The following MYH16 variants were observed in gnomAD, a reference collection of about 807,000 sequenced individuals.
MYH16 encodes the protein putative uncharacterized protein MYH16.
At chr7:99,253,362 T>TA (rs906845700) in intron 7 of MYH16, 1 of 151,408 alleles carries the variant, frequency 6.6e-6, no homozygotes, top group African/African-American at 2.4e-5. Flanking sequence ...AATAAATAAA[T>TA]AAAAATAAAT....
intron 9 of MYH16, among the ~76,000 whole-genome samples, chr7:99,256,460 C>A (rs879300770): frequency 1.3e-5 from 2 of 151,162 alleles, no homozygotes; most frequent in African/African-American, 2.4e-5. Flanking sequence ...CAAAGTAAGA[C>A]CCTATCTCAA....
At chr7:99,304,421 T>C (rs1223830560) in intron 39 of MYH16, among the ~76,000 whole-genome samples, 165 bp from the exon 21 acceptor site, 1 of 152,040 alleles carries the variant, frequency 6.6e-6, no homozygotes, top group South Asian at 2.1e-4. Flanking sequence ...AAGGGGAGCA[T>C]AGAGCACCCC....
At chr7:99,246,942 G>T (rs1214863735) in intron 2 of MYH16, among the ~76,000 whole-genome samples, 2 of 152,056 alleles carry the variant, frequency 1.3e-5, no homozygotes, top group African/African-American at 4.8e-5. Context: ...TGCACTCCTC[G>T]ATTTATGATC....
chr7:99,286,769 G>C (rs1012759086), intron 28 of MYH16, among the ~76,000 whole-genome samples: 2 of 151,396 alleles, frequency 1.3e-5, no homozygotes, highest in African/African-American at 4.9e-5. Context: ...GACCAGCCTG[G>C]GCAACACAGC....
chr7:99,271,848 C>T (rs903578237), intron 19 of MYH16, among the ~76,000 whole-genome samples: 1 of 152,024 alleles, frequency 6.6e-6, no homozygotes, highest in African/African-American at 2.4e-5. Flanking sequence ...TACAGGTGCA[C>T]TGTACCACAC....
chr7:99,303,538 C>T (rs1281732560), intron 39 of MYH16, among the ~76,000 whole-genome samples: 3 of 152,232 alleles, frequency 2.0e-5, no homozygotes, highest in Non-Finnish European at 4.4e-5. Flanking sequence ...TGGTGGCTCA[C>T]GCTTGTAATC....
intron 1 of MYH16, among the ~76,000 whole-genome samples, chr7:99,239,936 A>C (rs926599492): frequency 6.6e-6 from 1 of 152,134 alleles, no homozygotes; most frequent in Admixed American, 6.5e-5. Flanking sequence ...TAATCCCAGC[A>C]CTTTGGGAGA....
At chr7:99,273,548 C>G (rs1162217484) in intron 20 of MYH16, 125 bp downstream of exon 2, 1 of 390,932 alleles carries the variant, frequency 2.6e-6, no homozygotes, top group African/African-American at 2.1e-5. Flanking sequence ...AATGAGGGCA[C>G]CTTAGAGACA....
chr7:99,291,217 C>G (rs1017089275), intron 30 of MYH16, 106 bp from the exon 12 acceptor site: 1 of 389,656 alleles, frequency 2.6e-6, no homozygotes, highest in Non-Finnish European at 5.1e-6. Flanking sequence ...ATTGGCCAAG[C>G]CACCATATTT....
At chr7:99,240,305 C>T (rs977070338) in intron 1 of MYH16, among the ~76,000 whole-genome samples, 2 of 152,138 alleles carry the variant, frequency 1.3e-5, no homozygotes, top group Non-Finnish European at 2.9e-5. Context: ...CATGCCCCTT[C>T]TATGTCACCA....
intron 20 of MYH16, among the ~76,000 whole-genome samples, chr7:99,273,740 A>C (rs1792075123): frequency 6.6e-6 from 1 of 151,958 alleles, no homozygotes; most frequent in African/African-American, 2.4e-5. Context: ...AAGAAAAGAA[A>C]GGAAGAGAGA....
At chr7:99,240,839 CA>C (rs5886099) in intron 1 of MYH16, among the ~76,000 whole-genome samples, 72 of 143,832 alleles carry the variant, frequency 5.0e-4, no homozygotes, top group Admixed American at 7.6e-4. Flanking sequence ...AACCTTGTCT[CA>C]AAAAAAAAAA....
chr7:99,281,153 G>A (rs952414767), intron 23 of MYH16, among the ~76,000 whole-genome samples, 173 bp downstream of exon 5: 1 of 152,122 alleles, frequency 6.6e-6, no homozygotes, highest in Non-Finnish European at 1.5e-5. Context: ...GAGTGACATG[G>A]GTGTGGCCCC....
At chr7:99,246,744 G>T (rs976319640) in intron 2 of MYH16, among the ~76,000 whole-genome samples, 1 of 151,532 alleles carries the variant, frequency 6.6e-6, no homozygotes, top group African/African-American at 2.4e-5. Flanking sequence ...GGGAGTAAAA[G>T]AAACTAGCCC....
exon 37 of MYH16, chr7:99,299,652 A>T (rs1792558035): frequency 6.5e-6 from 1 of 153,494 alleles, no homozygotes. Flanking sequence ...TGCAACAGCA[A>T]ATCAAGGTAG....
intron 23 of MYH16, among the ~76,000 whole-genome samples, chr7:99,281,867 G>A (rs111349574): frequency 8.1e-4 from 123 of 152,224 alleles, no homozygotes; most frequent in Non-Finnish European, 1.5e-3. Flanking sequence ...TGGACCCCTC[G>A]TCCCTGTGTT....
intron 2 of MYH16, among the ~76,000 whole-genome samples, chr7:99,247,122 G>A (rs1791741730): frequency 6.6e-6 from 1 of 152,166 alleles, no homozygotes; most frequent in African/African-American, 2.4e-5. Flanking sequence ...TTAGCTTAAT[G>A]AACACAGACT....
intron 39 of MYH16, among the ~76,000 whole-genome samples, chr7:99,303,543 G>A (rs1792637108): frequency 1.3e-5 from 2 of 152,260 alleles, no homozygotes; most frequent in Admixed American, 1.3e-4. Context: ...GCTCACGCTT[G>A]TAATCCCAGC....
At chr7:99,269,202 T>G (rs964362578) in intron 18 of MYH16, among the ~76,000 whole-genome samples, 37 of 152,090 alleles carry the variant, frequency 2.4e-4, no homozygotes, top group African/African-American at 8.7e-4. Context: ...CAACCTTTCA[T>G]GTCTTTCCTC....
Sources: allele counts gnomAD v4.1 joint callset (sites outside exome capture counted in the v4.1 genomes callset), GRCh38; gene constraint gnomAD v4.1.1; transcripts MANE v1.5; gene names NCBI Gene and HGNC (gene_info 2026-07-23, HGNC 2026-07-21).